The following SOCS5 variants were observed in gnomAD, a reference collection of about 807,000 sequenced individuals.
The protein encoded by SOCS5 is CIS-6.
In SOCS5, 32 loss-of-function variants were observed where a neutral mutation model predicts 42.8. The ratio of observed to expected loss-of-function variants is 0.75; its 90% CI spans 0.56 to 1.01. The LOEUF is 1.01. Among genes scored for constraint, SOCS5 ranks in the 50% least tolerant of loss-of-function variants. The pLI is 0.00. For missense variants in SOCS5, 627 were observed against 653.0 expected, an observed-to-expected ratio of 0.96 and a Z score of 0.43; for synonymous variants, 283 against 229.6, an observed-to-expected ratio of 1.23 and a Z score of -2.10.
At chr2:46,704,111 A>T (rs1672407102) in intron 1 of SOCS5, among the ~76,000 whole-genome samples, 1 of 152,234 alleles carries the variant, frequency 6.6e-6, no homozygotes, top group African/African-American at 2.4e-5. Context: ...CCTTACTCTG[A>T]TGAGCTTTCA....
At chr2:46,712,918 G>A (rs12614156) in intron 1 of SOCS5, among the ~76,000 whole-genome samples, 10 of 152,042 alleles carry the variant, frequency 6.6e-5, no homozygotes, top group Admixed American at 6.5e-4. Context: ...TTATGAATTA[G>A]GAGGTGTTTC....
At chr2:46,737,171 A>G (rs1450089459) in intron 1 of SOCS5, among the ~76,000 whole-genome samples, 2 of 152,208 alleles carry the variant, frequency 1.3e-5, no homozygotes, top group Admixed American at 1.3e-4. Flanking sequence ...TTAAATCTTA[A>G]AAGTAGATCC....
chr2:46,746,997 T>C (rs982014802), intron 1 of SOCS5, among the ~76,000 whole-genome samples: 4 of 148,214 alleles, frequency 2.7e-5, no homozygotes, highest in Non-Finnish European at 4.5e-5. Context: ...TGGCCATCAG[T>C]GATTACATAT....
At chr2:46,729,355 G>A (rs984531468) in intron 1 of SOCS5, among the ~76,000 whole-genome samples, 16 of 152,170 alleles carry the variant, frequency 1.1e-4, no homozygotes, top group African/African-American at 3.9e-4. Flanking sequence ...CTTAACAACA[G>A]GGATACGTTC....
intron 1 of SOCS5, among the ~76,000 whole-genome samples, chr2:46,730,080 A>G (rs967605638): frequency 3.0e-4 from 45 of 152,232 alleles, no homozygotes; most frequent in African/African-American, 1.1e-3. Flanking sequence ...CTCTGTTATG[A>G]TCTTAAAGGA....
At chr2:46,732,785 A>T (rs529049902) in intron 1 of SOCS5, among the ~76,000 whole-genome samples, 34 of 152,292 alleles carry the variant, frequency 2.2e-4, no homozygotes, top group East Asian at 1.5e-3. Flanking sequence ...AAAGCTATAG[A>T]TGCTCACTGG....
intron 1 of SOCS5, among the ~76,000 whole-genome samples, chr2:46,712,282 TGAA>T (rs1490062956): frequency 1.3e-5 from 2 of 150,926 alleles, no homozygotes; most frequent in African/African-American, 2.4e-5. Context: ...TTTATCAGAT[TGAA>T]GAAGTTCTCT....
At chr2:46,705,943 C>A (rs1260894698) in intron 1 of SOCS5, among the ~76,000 whole-genome samples, 1 of 152,128 alleles carries the variant, frequency 6.6e-6, no homozygotes, top group Non-Finnish European at 1.5e-5. Flanking sequence ...GGAAGATATT[C>A]CAAATTATAT....
At chr2:46,700,676 T>G (rs1672322876) in intron 1 of SOCS5, among the ~76,000 whole-genome samples, 1 of 152,206 alleles carries the variant, frequency 6.6e-6, no homozygotes, top group South Asian at 2.1e-4. Context: ...CAATTGGTAA[T>G]CTTAATGTCA....
In SOCS5 at chr2:46,761,716, A is replaced by G. The variant is rs531033768; in HGVS notation, c.*1575A>G. Reference sequence around the variant, plus strand: ...AACAACCTTTCTATAGTTAATGCAGAGTTAATGAACAGTCTAATATTGACT... The same window carrying G: ...AACAACCTTTCTATAGTTAATGCAGGGTTAATGAACAGTCTAATATTGACT... On this transcript the variant is annotated 3_prime_UTR_variant, in exon 2 of 2. Coordinates refer to ENST00000394861, the MANE Select transcript of SOCS5 (RefSeq NM_144949.3). 1.2e-5 allele frequency: 2 copies of G among 166,808 alleles called. No individual in the cohort carries two copies. The highest frequency in any genetic ancestry group is 4.1e-4 in the South Asian group (2 of 4,826). 10.3% of individuals were successfully genotyped at this position (166,808 alleles called of 1,614,324 possible). A position where few individuals can be genotyped will look rare whatever the true frequency, so the allele number is the denominator to read the frequency against.
intron 1 of SOCS5, among the ~76,000 whole-genome samples, chr2:46,706,076 G>A (rs41533648): frequency 0.031 from 4,661 of 152,244 alleles, 264 homozygotes; most frequent in African/African-American, 0.11. Context: ...ACATTGTTGG[G>A]CATGGTTCTG....
intron 1 of SOCS5, among the ~76,000 whole-genome samples, chr2:46,742,927 G>A (rs926997524): frequency 2.0e-5 from 3 of 152,148 alleles, no homozygotes; most frequent in Non-Finnish European, 2.9e-5. Flanking sequence ...GCCTCCCAAA[G>A]TGCTGGGATT....
At chr2:46,742,031 A>G (rs1673390263) in intron 1 of SOCS5, among the ~76,000 whole-genome samples, 1 of 152,230 alleles carries the variant, frequency 6.6e-6, no homozygotes, top group African/African-American at 2.4e-5. Context: ...TACTTTCTCA[A>G]TACCCATGCT....
At chr2:46,739,093 T>G (rs966391322) in intron 1 of SOCS5, among the ~76,000 whole-genome samples, 1 of 152,184 alleles carries the variant, frequency 6.6e-6, no homozygotes, top group Non-Finnish European at 1.5e-5. Flanking sequence ...ATGTTTTTCT[T>G]TGGTAGAATA....
At chr2:46,740,051 A>G (rs189846702) in intron 1 of SOCS5, among the ~76,000 whole-genome samples, 9 of 152,348 alleles carry the variant, frequency 5.9e-5, no homozygotes, top group Admixed American at 2.6e-4. Context: ...TCTAGGGAAC[A>G]TGAGTTATGA....
chr2:46,749,388 A>C, intron 1 of SOCS5, among the ~76,000 whole-genome samples: 1 of 152,184 alleles, frequency 6.6e-6, no homozygotes, highest in East Asian at 1.9e-4. Context: ...GCCGAGACTT[A>C]GGTCTCTAAC....
At chr2:46,737,068 G>T (rs1673269175) in intron 1 of SOCS5, among the ~76,000 whole-genome samples, 1 of 152,068 alleles carries the variant, frequency 6.6e-6, no homozygotes, top group Admixed American at 6.5e-5. Flanking sequence ...CCTATATTAA[G>T]AACTTATTTT....
chr2:46,749,661 A>G (rs1281822425), intron 1 of SOCS5, among the ~76,000 whole-genome samples: 2 of 152,212 alleles, frequency 1.3e-5, no homozygotes, highest in African/African-American at 4.8e-5. Context: ...AAAAAGAATC[A>G]GAAGCCCCTC....
At chr2:46,748,018 A>T (rs1030072998) in intron 1 of SOCS5, among the ~76,000 whole-genome samples, 1 of 152,132 alleles carries the variant, frequency 6.6e-6, no homozygotes, top group African/African-American at 2.4e-5. Context: ...ACTAAGCTGT[A>T]TTACTTGGAG....
Sources: gnomAD v4.1 joint callset for allele counts (sites outside exome capture counted in the v4.1 genomes callset) on GRCh38, gnomAD v4.1.1 for gene constraint, MANE v1.5 for transcripts, NCBI Gene and HGNC (gene_info 2026-07-23, HGNC 2026-07-21) for gene names.